Variants in CACNA1H observed in about 807,000 individuals in gnomAD.
CACNA1H encodes the protein voltage-dependent T-type calcium channel subunit alpha-1H.
CACNA1H carries 149 observed loss-of-function variants against 192.5 expected under a neutral mutation model. The observed-to-expected ratio is 0.77, with a 90% CI of 0.68 to 0.89. CACNA1H has a LOEUF of 0.89. Ranked by LOEUF, CACNA1H falls within the 40% of genes least tolerant of loss-of-function variation. The pLI, the probability that CACNA1H is intolerant of heterozygous loss-of-function variation, is 0.00. For synonymous variants in CACNA1H, 2,202 were observed against 1,475.2 expected (o/e 1.49, Z -11.29); for missense variants, 4,257 against 3,423.5 (o/e 1.24, Z -6.08).
In CACNA1H at chr16:1,184,896, A is replaced by AT. The variant is rs60049133; in HGVS notation, c.300-10066dup. Among the ~76,000 whole-genome samples, 73 of 151,162 alleles carry AT rather than the reference A, an allele frequency of 4.8e-4. No homozygotes were observed. The East Asian group carries it at 5.8e-3, about 12-fold the overall frequency. On this transcript the variant is annotated intron_variant, in intron 2 of 34. Transcript: ENST00000348261. ...AGGTTCACGTACCATGGGATTAGCC[A>AT]TTTTTTTTTTACTTGTTTATGTGAC...
At position 1,202,233 on chromosome 16, in the gene CACNA1H, G is replaced by A. The variant is rs544916201; in HGVS notation, c.1783G>A (p.Ala595Thr). 64 of 1,557,736 alleles carry A rather than the reference G, an allele frequency of 4.1e-5. No homozygotes were observed. Among genetic ancestry groups the A allele is most frequent in the Non-Finnish European group, 4.8e-5 (55 of 1,152,528 alleles). ...GGAGAGGGCCCGGGTGGCACATGCC[G>A]CAGCCACTGCCGCTGCCAGCCTCAG... ...PQERARVAHAAATAAASLRLA... is the reference protein window; with the variant it reads ...PQERARVAHATATAAASLRLA... Residue 595 changes from alanine to threonine, a missense_variant, in exon 9 of 35, where the codon GCA becomes ACA. Ala to Thr is a moderately conservative substitution (Grantham distance 58, BLOSUM62 0). Coordinates refer to ENST00000348261, the MANE Select transcript of CACNA1H (RefSeq NM_021098.3).
Position 1,212,157 on chromosome 16 carries a change from CGGT to C in CACNA1H, c.4759+22_4759+24del. On this transcript the variant is annotated intron_variant, in intron 25 of 34. Transcript: ENST00000348261. ...CGCAGGAGTAAGGCGCTCCCGGTGG[CGGT>C]GGCGGTGGCGGGTCGGTACCTGTGT... 1 of 1,591,238 alleles carries C rather than the reference CGGT, an allele frequency of 6.3e-7. No individual in the cohort carries two copies. The highest frequency in any genetic ancestry group is 1.1e-5 in the South Asian group (1 of 90,474).
intron 2 of CACNA1H, among the ~76,000 whole-genome samples, chr16:1,194,231 G>A (rs1966840886): frequency 6.6e-6 from 1 of 152,152 alleles, no homozygotes; most frequent in African/African-American, 2.4e-5. Flanking sequence ...CTCCTCCTCG[G>A]TTCCCACGTG....
chr16:1,200,928 A>T, intron 8 of CACNA1H, 120 bp downstream of exon 8: 336 of 340,130 alleles, frequency 9.9e-4, no homozygotes, highest in East Asian at 2.2e-3. Flanking sequence ...GGGAGCACAC[A>T]GGGGAGGGAG....
chr16:1,160,933 C>A (rs573952844), intron 2 of CACNA1H, among the ~76,000 whole-genome samples: 53 of 152,228 alleles, frequency 3.5e-4, no homozygotes, highest in African/African-American at 1.2e-3. Context: ...AGTGCGGCCC[C>A]CCCCCAGCCT....
chr16:1,199,679 TTCTCCCCTCAATTCTCACCCCCGAG>T (rs896611607), intron 6 of CACNA1H, among the ~76,000 whole-genome samples: 4 of 136,018 alleles, frequency 2.9e-5, no homozygotes, highest in African/African-American at 8.6e-5. Flanking sequence ...TCACCCCGGG[TTCTCCCCTCAATTCTCACCCCCGAG>T]TCTCCCCTCA....
At chr16:1,209,817 C>T (rs1342944940) in intron 17 of CACNA1H, among the ~76,000 whole-genome samples, 12 of 152,318 alleles carry the variant, frequency 7.9e-5, no homozygotes, top group East Asian at 3.9e-4. Context: ...GACTCCAGCA[C>T]GGGTCACTCT....
rs771453594 is a variant in CACNA1H, at chr16:1,198,688, C to T, written c.717C>T (p.Phe239=). ...MLGNVLLLCF[F]VFFIFGIVGV... is the part of the protein sequence containing the mutation. ...GGAACGTCCTTCTGCTGTGCTTCTT[C>T]GTCTTCTTCATTTTCGGCATCGTTG... The change falls in exon 6 of 35, where the codon TTC becomes TTT. Residue 239 remains phenylalanine (F), a synonymous_variant. Transcript: ENST00000348261. 58 of 1,613,394 alleles carry T rather than the reference C, an allele frequency of 3.6e-5. No homozygotes were observed. The South Asian group carries it at 4.9e-4, about 14-fold the overall frequency.
In CACNA1H at chr16:1,153,887, CT is replaced by C; in HGVS notation, c.151del (p.Ser51ProfsTer55). On this transcript the variant is annotated frameshift_variant, in exon 2 of 35. Coordinates refer to ENST00000348261, the MANE Select transcript of CACNA1H (RefSeq NM_021098.3). LOFTEE classifies it high-confidence loss of function. ...ERGSELGVSP[S>X]ESPAAERGAE... ...GGGGGTCCGAGCTCGGCGTGTCACC[CT>C]CCGAGAGCCCGGCGGCCGAGCGCGG... 6.9e-7 allele frequency: 1 copy of C among 1,440,572 alleles called. No individual in the cohort carries two copies. The highest frequency in any genetic ancestry group is 9.1e-7 in the Non-Finnish European group (1 of 1,096,112). The allele number at this position is 1,440,572 out of a possible 1,614,324, so 89.2% of individuals were successfully genotyped here.
intron 17 of CACNA1H, among the ~76,000 whole-genome samples, chr16:1,209,733 C>T (rs1181174918): frequency 6.6e-6 from 1 of 152,212 alleles, no homozygotes; most frequent in African/African-American, 2.4e-5. Flanking sequence ...ATCCGCTAGG[C>T]TCTCAGGCTT....
chr16:1,196,755 C>T (rs1370836118), intron 5 of CACNA1H, among the ~76,000 whole-genome samples: 6 of 152,182 alleles, frequency 3.9e-5, no homozygotes, highest in Non-Finnish European at 7.3e-5. Context: ...TCCAGGAAGT[C>T]ATATGCCTGC....
Position 1,220,158 on chromosome 16 carries a change from C to T in CACNA1H, c.6226C>T (p.Gln2076Ter). 6.6e-7 allele frequency: 1 copy of T among 1,524,332 alleles called. No homozygotes were observed. Among genetic ancestry groups the T allele is most frequent in the Non-Finnish European group, 8.8e-7 (1 of 1,137,752 alleles). 94.4% of individuals were successfully genotyped at this position (1,524,332 alleles called of 1,614,324 possible). A position where few individuals can be genotyped will look rare whatever the true frequency, so the allele number is the denominator to read the frequency against. ...SVRTRKHTFG[Q>*]RCVSSRPAAP... Reference sequence around the variant, plus strand: ...CCGCACTCGTAAGCATACCTTCGGACAGCGCTGCGTCTCCAGCCGGCCGGC... The same window carrying T: ...CCGCACTCGTAAGCATACCTTCGGATAGCGCTGCGTCTCCAGCCGGCCGGC... The change falls in exon 35 of 35, where the codon CAG becomes TAG. Residue 2076 changes from glutamine to a stop codon, truncating the protein, a stop_gained. Coordinates refer to ENST00000348261, the MANE Select transcript of CACNA1H (RefSeq NM_021098.3). LOFTEE classifies it low-confidence loss of function (END_TRUNC).
chr16:1,209,435 A>C (rs922473717), intron 17 of CACNA1H, 23 bp downstream of exon 17: 1 of 1,590,232 alleles, frequency 6.3e-7, no homozygotes, highest in Admixed American at 1.7e-5. Flanking sequence ...CCCTGGGCCC[A>C]CCGCCGACTC....
intron 26 of CACNA1H, among the ~76,000 whole-genome samples, chr16:1,212,966 C>G (rs1192881167): frequency 6.6e-6 from 1 of 152,242 alleles, no homozygotes; most frequent in East Asian, 1.9e-4. Context: ...GCCAGCAGTC[C>G]CCACCCGTGT....
intron 2 of CACNA1H, among the ~76,000 whole-genome samples, chr16:1,183,483 C>T (rs1193580535): frequency 6.6e-6 from 1 of 152,196 alleles, no homozygotes; most frequent in African/African-American, 2.4e-5. Flanking sequence ...GAAGAGAAAC[C>T]TCCTTCAGTC....
Position 1,205,202 on chromosome 16 carries a change from G to A in CACNA1H, c.2540G>A (p.Cys847Tyr), listed in dbSNP as rs202019417. 2.5e-6 allele frequency: 4 copies of A among 1,612,946 alleles called. No homozygotes were observed. The highest frequency in any genetic ancestry group is 1.3e-5 in the African/African-American group (1 of 74,934). ...GAGATGCTGCTGAAGCTGCTGGCCT[G>A]CGGCCCTCTGGGCTACATCCGGAAC... Reference protein sequence around the residue: ...ALEMLLKLLACGPLGYIRNPY... With the variant: ...ALEMLLKLLAYGPLGYIRNPY... The change falls in exon 11 of 35, where the codon TGC becomes TAC. Residue 847 changes from cysteine to tyrosine, a missense_variant. Coordinates refer to ENST00000348261, the MANE Select transcript of CACNA1H (RefSeq NM_021098.3).
intron 5 of CACNA1H, among the ~76,000 whole-genome samples, chr16:1,197,125 T>C (rs1482369065): frequency 6.6e-6 from 1 of 152,210 alleles, no homozygotes; most frequent in Non-Finnish European, 1.5e-5. Context: ...CGCTGGTCCC[T>C]GAGCCTGCCT....
At chr16:1,165,642 G>C (rs139407243) in intron 2 of CACNA1H, among the ~76,000 whole-genome samples, 1 of 152,130 alleles carries the variant, frequency 6.6e-6, no homozygotes. Context: ...GCACAGCTGC[G>C]TCCCCCCGAG....
chr16:1,164,319 G>A (rs905974088), intron 2 of CACNA1H, among the ~76,000 whole-genome samples: 2 of 152,174 alleles, frequency 1.3e-5, no homozygotes, highest in Admixed American at 6.5e-5. Context: ...GATGAACCCT[G>A]TCCTGTACGT....
Sources: allele counts gnomAD v4.1 joint callset (sites outside exome capture counted in the v4.1 genomes callset), GRCh38; gene constraint gnomAD v4.1.1; transcripts MANE v1.5; gene names NCBI Gene and HGNC (gene_info 2026-07-23, HGNC 2026-07-21).